TGM4: variants seen among roughly 807,000 people sequenced by gnomAD.
TGM4 encodes transglutaminase 4, also known as protein-glutamine gamma-glutamyltransferase 4.
TGM4 carries 61 observed loss-of-function variants against 76.3 expected under a neutral mutation model. The ratio of observed to expected loss-of-function variants is 0.80; its 90% CI spans 0.65 to 0.99. The LOEUF is 0.99. TGM4 is among the 50% of genes least tolerant of loss of function. The pLI, the probability that TGM4 is intolerant of heterozygous loss-of-function variation, is 0.00. For synonymous variants in TGM4, 337 were observed against 329.8 expected (o/e 1.02, Z -0.24); for missense variants, 794 against 843.2 (o/e 0.94, Z 0.72).
At chr3:44,894,438 A>T (rs1699753000) in intron 5 of TGM4, among the ~76,000 whole-genome samples, 1 of 133,080 alleles carries the variant, frequency 7.5e-6, no homozygotes, top group African/African-American at 2.9e-5. Flanking sequence ...TTACCAAAGA[A>T]CCAAGCACTG....
intron 1 of TGM4, among the ~76,000 whole-genome samples, chr3:44,876,017 C>T (rs574810579): frequency 2.6e-5 from 4 of 152,264 alleles, no homozygotes; most frequent in East Asian, 1.9e-4. Context: ...CCCGTGAAAG[C>T]ACTATATAAA....
chr3:44,876,047 G>A (rs892002978), intron 1 of TGM4, among the ~76,000 whole-genome samples: 1 of 152,210 alleles, frequency 6.6e-6, no homozygotes, highest in Non-Finnish European at 1.5e-5. Context: ...ACTACCTGAA[G>A]GAAAGGTAGT....
At chr3:44,901,380 C>T (rs762855942) in intron 6 of TGM4, 144 bp from the exon 7 acceptor site, 2 of 984,980 alleles carry the variant, frequency 2.0e-6, no homozygotes, top group Non-Finnish European at 2.9e-6. Context: ...CTGGGCACCC[C>T]ACCTGTTCTG....
intron 11 of TGM4, among the ~76,000 whole-genome samples, chr3:44,910,668 G>A (rs941859278): frequency 2.0e-5 from 3 of 152,154 alleles, no homozygotes; most frequent in African/African-American, 7.2e-5. Flanking sequence ...CAGATGCCCA[G>A]TCAGATCAAT....
At chr3:44,881,089 A>G (rs1699525704) in intron 1 of TGM4, among the ~76,000 whole-genome samples, 1 of 149,066 alleles carries the variant, frequency 6.7e-6, no homozygotes, top group Non-Finnish European at 1.5e-5. Context: ...CTGTAGTCCC[A>G]GCTACTCTGG....
rs1699933608 is a variant in TGM4, at chr3:44,907,131, A to G, written c.1258A>G (p.Asn420Asp). Residue 420 changes from asparagine (N) to aspartate (D), a missense_variant, in exon 10 of 14, where the codon AAC (asparagine) becomes GAC (aspartate). Transcript: ENST00000296125. The part of the protein sequence containing the change: ...ISMETTSIGK[N>D]ISTKAVGQDR... The stretch of plus-strand genomic sequence containing the variant: ...AATGGAGACCACAAGCATCGGGAAA[A>G]ACATCAGCACCAAGGCAGTGGGCCA... 1.2e-6 allele frequency: 2 copies of G among 1,614,090 alleles called. No homozygotes were observed. The highest frequency in any genetic ancestry group is 1.7e-6 in the Non-Finnish European group (2 of 1,180,022).
chr3:44,878,288 A>G (rs1575708419), intron 1 of TGM4, among the ~76,000 whole-genome samples: 1 of 152,080 alleles, frequency 6.6e-6, no homozygotes, highest in Non-Finnish European at 1.5e-5. Flanking sequence ...AGAATAGTGT[A>G]TTGAGAAAGC....
intron 6 of TGM4, among the ~76,000 whole-genome samples, chr3:44,897,353 C>T (rs985515941): frequency 1.5e-4 from 23 of 152,172 alleles, no homozygotes; most frequent in South Asian, 6.2e-4. Context: ...TATGGGCTGA[C>T]GTTAGGTGTA....
intron 1 of TGM4, among the ~76,000 whole-genome samples, chr3:44,882,863 T>C (rs1441664436): frequency 1.3e-5 from 2 of 152,226 alleles, no homozygotes; most frequent in Non-Finnish European, 2.9e-5. Flanking sequence ...GTGCCTACTG[T>C]GTGCCAGGCA....
intron 1 of TGM4, among the ~76,000 whole-genome samples, chr3:44,878,557 A>G (rs1045328735): frequency 1.3e-5 from 2 of 151,282 alleles, no homozygotes; most frequent in African/African-American, 4.9e-5. Flanking sequence ...ATCTCGGTTC[A>G]CTGCAGCCTC....
In TGM4 at chr3:44,896,804, C is replaced by A. The variant is rs889680625; in HGVS notation, c.645C>A (p.Ala215=). ...DRRDPVLVCR[A]MCAMMSFEKG... ...GGGACCCCGTGCTGGTGTGCAGGGC[C>A]ATGTGTGCTATGGTAGGTATGGAAA... is the stretch of plus-strand genomic sequence containing the variant. Residue 215 remains alanine, a synonymous_variant, in exon 6 of 14, where the codon GCC becomes GCA. Transcript: ENST00000296125. The A allele has an allele frequency of 6.2e-7, 1 of 1,614,102 alleles. No individual in the cohort carries two copies. The highest frequency in any genetic ancestry group is 1.1e-5 in the South Asian group (1 of 91,086).
chr3:44,883,608 A>G (rs1699561050), intron 1 of TGM4, among the ~76,000 whole-genome samples: 1 of 152,234 alleles, frequency 6.6e-6, no homozygotes, highest in Non-Finnish European at 1.5e-5. Context: ...AAGGGGAAGC[A>G]CCTGGGAAGG....
chr3:44,893,613 A>G lies in TGM4; in HGVS notation c.467A>G (p.Lys156Arg), dbSNP rs74776426. ...TTCATGCCTGATGAGGACGAGCGCA[A>G]AGAGTACATCCTCAATGACACGGGC... ...MVFMPDEDERKEYILNDTGCH... is the reference protein window; with the variant it reads ...MVFMPDEDERREYILNDTGCH... Residue 156 changes from lysine (K) to arginine (R), a missense_variant, in exon 5 of 14, where the codon AAA becomes AGA. Lys to Arg is a conservative substitution (Grantham distance 26, BLOSUM62 2). Coordinates refer to ENST00000296125, the MANE Select transcript of TGM4 (RefSeq NM_003241.4). 0.011 allele frequency: 17,493 copies of G among 1,613,714 alleles called. 189 individuals carry two copies. Among genetic ancestry groups the G allele is most frequent in the African/African-American group, 0.049 (3,650 of 74,958 alleles).
chr3:44,878,345 A>G (rs558583720), intron 1 of TGM4, among the ~76,000 whole-genome samples: 1 of 152,090 alleles, frequency 6.6e-6, no homozygotes, highest in East Asian at 1.9e-4. Flanking sequence ...AGAAAACTGG[A>G]AAGATACCTA....
chr3:44,875,021 C>A (rs367993061), intron 1 of TGM4, among the ~76,000 whole-genome samples: 2 of 152,204 alleles, frequency 1.3e-5, no homozygotes, highest in Non-Finnish European at 2.9e-5. Context: ...GATAGATAGA[C>A]AAATATATAT....
chr3:44,899,862 G>A (rs1474384896), intron 6 of TGM4, among the ~76,000 whole-genome samples: 1 of 152,228 alleles, frequency 6.6e-6, no homozygotes, highest in Admixed American at 6.5e-5. Flanking sequence ...TCATAGCATG[G>A]CAGCCAGCTT....
chr3:44,912,508 T>C (rs1384641235), intron 13 of TGM4, among the ~76,000 whole-genome samples: 1 of 152,236 alleles, frequency 6.6e-6, no homozygotes, highest in African/African-American at 2.4e-5. Flanking sequence ...TGTAGTCCTA[T>C]AATAATTTTA....
In TGM4 at chr3:44,914,242, C is replaced by G. The variant is rs1196324791; in HGVS notation, c.*517C>G. On this transcript the variant is annotated 3_prime_UTR_variant, in exon 14 of 14. Transcript: ENST00000296125. ...ATTCTCCTCTCTCTATCCCTGAAAT[C>G]CAGGAAGTCCCTCTCCTGGTGCTCC... The G allele has an allele frequency of 1.3e-5, 2 of 153,676 alleles. No individual in the cohort carries two copies. Among genetic ancestry groups the G allele is most frequent in the Middle Eastern group, 3.1e-3 (1 of 320 alleles). The allele number at this position is 153,676 out of a possible 1,614,324, so 9.5% of individuals were successfully genotyped here. A position where few individuals can be genotyped will look rare whatever the true frequency, so the allele number is the denominator to read the frequency against.
intron 6 of TGM4, among the ~76,000 whole-genome samples, chr3:44,898,497 T>C (rs910063590): frequency 1.3e-5 from 2 of 152,100 alleles, no homozygotes; most frequent in Admixed American, 1.3e-4. Context: ...TGCAAGTAGT[T>C]TTGATCACAG....
Sources: allele counts gnomAD v4.1 joint callset (sites outside exome capture counted in the v4.1 genomes callset), GRCh38; gene constraint gnomAD v4.1.1; transcripts MANE v1.5; gene names NCBI Gene and HGNC (gene_info 2026-07-23, HGNC 2026-07-21).